Variants in DOK6 observed in about 807,000 individuals in gnomAD.
DOK6 encodes the protein docking protein 6, also known as downstream of tyrosine kinase 6.
Under a neutral mutation model 44.0 loss-of-function variants are expected in DOK6, and 22 were observed. That is an observed-to-expected ratio of 0.50 (90% confidence interval 0.36 to 0.71). The LOEUF (loss-of-function observed/expected upper bound fraction) is 0.71. Ranked by LOEUF, DOK6 falls within the 30% of genes least tolerant of loss-of-function variation. The pLI is 0.00. For synonymous variants in DOK6, 166 were observed against 145.5 expected (o/e 1.14, Z -1.01); for missense variants, 340 against 416.4 (o/e 0.82, Z 1.60).
intron 3 of DOK6, among the ~76,000 whole-genome samples, chr18:69,645,155 C>A (rs1237222641): frequency 6.6e-6 from 1 of 152,110 alleles, no homozygotes; most frequent in African/African-American, 2.4e-5. Flanking sequence ...TGTATAATTC[C>A]ATGCCATTTA....
intron 1 of DOK6, among the ~76,000 whole-genome samples, chr18:69,556,988 C>T (rs1433407859): frequency 6.6e-6 from 1 of 152,180 alleles, no homozygotes; most frequent in African/African-American, 2.4e-5. Flanking sequence ...AATAACTCTT[C>T]TGGATGGGCT....
Position 69,543,803 on chromosome 18 carries a change from GAC to G in DOK6, c.67-20682_67-20681del, listed in dbSNP as rs574473540. ...TTTTGTGGATGAGATTAATTTCAAA[GAC>G]AACAAAGAACAAATGATAAGGGAAA... is the stretch of plus-strand genomic sequence containing the variant. On this transcript the variant is annotated intron_variant, in intron 1 of 7. Transcript: ENST00000382713. 1.7e-3 allele frequency among the ~76,000 whole-genome samples: 264 copies of G among 151,446 alleles called. 5 individuals carry two copies. The highest frequency in any genetic ancestry group is 4.6e-3 in the African/African-American group (191 of 41,430).
chr18:69,557,452 C>G (rs1039007369), intron 1 of DOK6, among the ~76,000 whole-genome samples: 7 of 152,112 alleles, frequency 4.6e-5, no homozygotes, highest in East Asian at 1.9e-4. Flanking sequence ...AACAGGATAT[C>G]CTTTGTGTAA....
rs908934064 is a variant in DOK6 at position 69,846,497 on chromosome 18, A to G, written c.*5114A>G. Reference sequence around the variant, plus strand: ...AGATGCCTCTACTCTTGCTGAACTCATCACCAGCTGTATCAGTAGAGAGGT... The same window carrying G: ...AGATGCCTCTACTCTTGCTGAACTCGTCACCAGCTGTATCAGTAGAGAGGT... On this transcript the variant is annotated 3_prime_UTR_variant, in exon 8 of 8. Transcript: ENST00000382713. 1.3e-5 allele frequency: 2 copies of G among 152,184 alleles called. No homozygotes were observed. Among genetic ancestry groups the G allele is most frequent in the African/African-American group, 4.8e-5 (2 of 41,444 alleles). The allele number at this position is 152,184 out of a possible 1,614,324, so 9.4% of individuals were successfully genotyped here.
At chr18:69,425,210 A>C (rs903125756) in intron 1 of DOK6, among the ~76,000 whole-genome samples, 8 of 152,122 alleles carry the variant, frequency 5.3e-5, no homozygotes, top group African/African-American at 1.7e-4. Flanking sequence ...ATCATTATGT[A>C]AATATGGATC....
intron 7 of DOK6, among the ~76,000 whole-genome samples, chr18:69,767,751 A>T (rs184195263): frequency 9.6e-4 from 146 of 152,324 alleles, no homozygotes; most frequent in African/African-American, 3.4e-3. Flanking sequence ...CTCACAGTGC[A>T]TTCTACTGGC....
intron 1 of DOK6, among the ~76,000 whole-genome samples, chr18:69,432,682 A>G (rs987911620): frequency 6.6e-6 from 1 of 152,214 alleles, no homozygotes; most frequent in Non-Finnish European, 1.5e-5. Flanking sequence ...CAACAGTGAT[A>G]CATTTGGTGG....
intron 7 of DOK6, among the ~76,000 whole-genome samples, chr18:69,840,172 C>T (rs1445790902): frequency 6.6e-6 from 1 of 152,244 alleles, no homozygotes; most frequent in Non-Finnish European, 1.5e-5. Flanking sequence ...CGGAGCCTGA[C>T]ACAGAGATGG....
rs149178498 is a variant in DOK6, at chr18:69,787,011, T to C, written c.856+29138T>C. On this transcript the variant is annotated intron_variant, in intron 7 of 7. Transcript: ENST00000382713. ...CAGGCAGATCACTTGAGGTCAGGAG[T>C]TTGAGACCAGCCTGGCCAACATGGT... 9.8e-3 allele frequency among the ~76,000 whole-genome samples: 1,487 copies of C among 151,656 alleles called. 20 individuals carry two copies. The highest frequency in any genetic ancestry group is 0.034 in the African/African-American group (1,388 of 41,318).
rs1335897135 is a variant in DOK6 at position 69,848,088 on chromosome 18, G to C, written c.*6705G>C. ...ATTTTTGGCTTTTGACCCACTCTGT[G>C]TGTTCCACTGAAGTTATCTTTTCCT... On this transcript the variant is annotated 3_prime_UTR_variant, in exon 8 of 8. Coordinates refer to ENST00000382713, the MANE Select transcript of DOK6 (RefSeq NM_152721.6). The C allele has an allele frequency of 6.6e-6, 1 of 151,678 alleles. No homozygotes were observed. Among genetic ancestry groups the C allele is most frequent in the Non-Finnish European group, 1.5e-5 (1 of 68,002 alleles). 9.4% of individuals were successfully genotyped at this position (151,678 alleles called of 1,614,324 possible).
At chr18:69,835,274 A>G (rs975057866) in intron 7 of DOK6, among the ~76,000 whole-genome samples, 2 of 152,132 alleles carry the variant, frequency 1.3e-5, no homozygotes, top group Non-Finnish European at 1.5e-5. Flanking sequence ...CATCTTGGCT[A>G]ACACGGTGAA....
chr18:69,401,458 A>G, intron 1 of DOK6, 148 bp downstream of exon 1: 2 of 807,212 alleles, frequency 2.5e-6, no homozygotes, highest in Non-Finnish European at 3.3e-6. Flanking sequence ...TTGCTTGGCC[A>G]GGTGGGGGCC....
At chr18:69,568,231 C>G (rs1412675700) in intron 2 of DOK6, among the ~76,000 whole-genome samples, 1 of 152,208 alleles carries the variant, frequency 6.6e-6, no homozygotes, top group Non-Finnish European at 1.5e-5. Flanking sequence ...AGACCTTTTA[C>G]AAACAATAGT....
At chr18:69,689,401 C>A (rs1986218085) in intron 4 of DOK6, among the ~76,000 whole-genome samples, 1 of 152,014 alleles carries the variant, frequency 6.6e-6, no homozygotes, top group South Asian at 2.1e-4. Flanking sequence ...TAAACAAAAC[C>A]AATGAAAATC....
At chr18:69,585,443 T>C (rs1329323540) in intron 2 of DOK6, among the ~76,000 whole-genome samples, 2 of 152,218 alleles carry the variant, frequency 1.3e-5, no homozygotes, top group African/African-American at 4.8e-5. Context: ...AAGGAAAGTG[T>C]CTATTTTGTT....
intron 7 of DOK6, among the ~76,000 whole-genome samples, chr18:69,781,043 T>C (rs1392057397): frequency 6.6e-6 from 1 of 152,146 alleles, no homozygotes; most frequent in East Asian, 1.9e-4. Flanking sequence ...CACTGTGTCT[T>C]TGCAATCCCC....
intron 7 of DOK6, among the ~76,000 whole-genome samples, chr18:69,759,367 T>G (rs2053200): frequency 0.7 from 106,799 of 152,028 alleles, 39,489 homozygotes; most frequent in East Asian, 0.84. Flanking sequence ...AAACATATGT[T>G]TAAATATTGA....
At chr18:69,828,900 A>AT (rs59036025) in intron 7 of DOK6, among the ~76,000 whole-genome samples, 2 of 127,826 alleles carry the variant, frequency 1.6e-5, no homozygotes, top group Non-Finnish European at 3.4e-5. Flanking sequence ...ATATATATAT[A>AT]GTATGTATGT....
chr18:69,499,790 C>A (rs1418369996), intron 1 of DOK6, among the ~76,000 whole-genome samples: 1 of 152,136 alleles, frequency 6.6e-6, no homozygotes, highest in East Asian at 1.9e-4. Flanking sequence ...GCTCTTTCTG[C>A]ACTCTTTCAT....
Sources: allele counts gnomAD v4.1 joint callset (sites outside exome capture counted in the v4.1 genomes callset), GRCh38; gene constraint gnomAD v4.1.1; transcripts MANE v1.5; gene names NCBI Gene and HGNC (gene_info 2026-07-23, HGNC 2026-07-21).